Variants in C12orf50 observed in about 807,000 individuals in gnomAD.
C12orf50 encodes the protein zinc finger CCCH-type containing 11D.
C12orf50 carries 35 observed loss-of-function variants against 61.6 expected under a neutral mutation model. The observed-to-expected ratio is 0.57, with a 90% CI of 0.43 to 0.75. C12orf50 has a LOEUF of 0.75. Among genes scored for constraint, C12orf50 ranks in the 30% least tolerant of loss-of-function variants. The pLI is 0.00. For missense variants in C12orf50, 475 were observed against 488.5 expected (o/e 0.97, Z 0.26); for synonymous variants, 178 against 161.5 (o/e 1.10, Z -0.77).
intron 7 of C12orf50, among the ~76,000 whole-genome samples, chr12:87,992,756 T>C (rs970561302): frequency 2.0e-5 from 3 of 152,158 alleles, no homozygotes; most frequent in African/African-American, 7.2e-5. Flanking sequence ...ATGGTTATAT[T>C]GATACATACA....
At chr12:87,988,363 C>A (rs1203116333) in intron 8 of C12orf50, among the ~76,000 whole-genome samples, 1 of 152,166 alleles carries the variant, frequency 6.6e-6, no homozygotes, top group African/African-American at 2.4e-5. Context: ...CTTAGTAGGG[C>A]TTTCCACAAT....
At chr12:88,026,674 C>G in intron 2 of C12orf50, 66 bp from the exon 3 acceptor site, 1 of 1,570,122 alleles carries the variant, frequency 6.4e-7, no homozygotes, top group Non-Finnish European at 8.7e-7. Flanking sequence ...ATACAATGTG[C>G]TACAATACAG....
At chr12:87,994,229 G>A (rs1292116501) in intron 7 of C12orf50, among the ~76,000 whole-genome samples, 2 of 150,830 alleles carry the variant, frequency 1.3e-5, no homozygotes, top group Admixed American at 6.6e-5. Flanking sequence ...AAATAAATAA[G>A]TAGATAAATA....
intron 3 of C12orf50, among the ~76,000 whole-genome samples, chr12:88,023,259 A>C (rs1368755417): frequency 6.6e-6 from 1 of 151,884 alleles, no homozygotes; most frequent in Admixed American, 6.6e-5. Flanking sequence ...AAACAGGGAG[A>C]GGACTCCCCT....
At chr12:88,012,613 C>G (rs2032153874) in intron 3 of C12orf50, among the ~76,000 whole-genome samples, 1 of 152,170 alleles carries the variant, frequency 6.6e-6, no homozygotes, top group Admixed American at 6.5e-5. Flanking sequence ...CAAATCTATA[C>G]AACACTTGTG....
chr12:87,996,713 G>C, intron 4 of C12orf50, 67 bp from the exon 5 acceptor site: 1 of 1,250,166 alleles, frequency 8.0e-7, no homozygotes, highest in Non-Finnish European at 1.1e-6. Context: ...TTATAAACCA[G>C]AAAGGAAAAC....
chr12:87,986,364 T>C lies in C12orf50; in HGVS notation c.870A>G (p.Arg290=). 1 of 1,612,036 alleles carries C rather than the reference T, an allele frequency of 6.2e-7. No homozygotes were observed. The highest frequency in any genetic ancestry group is 8.5e-7 in the Non-Finnish European group (1 of 1,179,220). The part of the protein sequence containing the change: ...KKPHFKGVKK[R]KWIYDEPQNF... ...TCTGTGGTTCATCATAAATCCATTTTCTTTTCTTCACACCTTTAAAATGAG... is the reference window on the plus strand; with the variant it reads ...TCTGTGGTTCATCATAAATCCATTTCCTTTTCTTCACACCTTTAAAATGAG... Residue 290 remains arginine, a synonymous_variant, in exon 10 of 13, where the codon AGA becomes AGG. Coordinates refer to ENST00000298699, the MANE Select transcript of C12orf50 (RefSeq NM_152589.3).
rs765478954 is a variant in C12orf50, at chr12:87,994,672, C to T, written c.553G>A (p.Gly185Arg). 6.2e-7 allele frequency: 1 copy of T among 1,613,146 alleles called. No homozygotes were observed. The highest frequency in any genetic ancestry group is 1.3e-5 in the African/African-American group (1 of 74,872). Residue 185 changes from glycine to arginine, a missense_variant, in exon 7 of 13, where the codon GGG becomes AGG. Gly to Arg is a moderately radical substitution (Grantham distance 125, BLOSUM62 -2). Coordinates refer to ENST00000298699, the MANE Select transcript of C12orf50 (RefSeq NM_152589.3). Reference sequence around the variant, plus strand: ...GCAGCAATGTCAGTCTTTGGTTTCCCATGCAATGATGTTTTTATTTCACCT... The same window carrying T: ...GCAGCAATGTCAGTCTTTGGTTTCCTATGCAATGATGTTTTTATTTCACCT... ...RQGEIKTSLH[G>R]KPKTDIAAFE... is the part of the protein sequence containing the mutation.
chr12:87,983,264 T>A, intron 11 of C12orf50, 69 bp from the exon 12 acceptor site: 2 of 997,112 alleles, frequency 2.0e-6, no homozygotes, highest in Non-Finnish European at 3.0e-6. Context: ...TGTTTCAAAG[T>A]TATAAACATC....
chr12:87,991,502 G>A (rs917489945), intron 7 of C12orf50, among the ~76,000 whole-genome samples: 1 of 152,096 alleles, frequency 6.6e-6, no homozygotes, highest in African/African-American at 2.4e-5. Flanking sequence ...GAGAATTAGT[G>A]AACAGGACAG....
intron 7 of C12orf50, among the ~76,000 whole-genome samples, chr12:87,992,402 G>A (rs1424147074): frequency 6.6e-6 from 1 of 151,922 alleles, no homozygotes; most frequent in Non-Finnish European, 1.5e-5. Flanking sequence ...TATCAACTGT[G>A]TGTATATATA....
intron 3 of C12orf50, among the ~76,000 whole-genome samples, chr12:88,014,501 G>A (rs947091921): frequency 6.6e-6 from 1 of 151,982 alleles, no homozygotes; most frequent in African/African-American, 2.4e-5. Context: ...GGGTTTCACC[G>A]TATGAGCCAG....
At position 88,025,242 on chromosome 12, in the gene C12orf50, G is replaced by A. The variant is rs575457428; in HGVS notation, c.133+1246C>T. ...AGAAGGCAATGTCTAGTTACCAAGTGGAAGGATAGGCTTAGATAGGAGTAT... is the reference window on the plus strand; with the variant it reads ...AGAAGGCAATGTCTAGTTACCAAGTAGAAGGATAGGCTTAGATAGGAGTAT... On this transcript the variant is annotated intron_variant, in intron 3 of 12. Transcript: ENST00000298699. Among the ~76,000 whole-genome samples the A allele has an allele frequency of 6.6e-5, 10 of 152,306 alleles. No individual in the cohort carries two copies. In the East Asian group the frequency reaches 1.9e-3, roughly 29 times the overall value.
chr12:88,009,863 G>A (rs1466902664), intron 3 of C12orf50, among the ~76,000 whole-genome samples: 2 of 152,024 alleles, frequency 1.3e-5, no homozygotes, highest in Non-Finnish European at 2.9e-5. Context: ...TTTAATTTCA[G>A]TGCAGCCAAA....
chr12:88,027,297 C>A (rs1045748617), intron 1 of C12orf50, among the ~76,000 whole-genome samples: 13 of 152,154 alleles, frequency 8.5e-5, no homozygotes, highest in Admixed American at 6.5e-4. Flanking sequence ...TGCCACAAAT[C>A]ACTGATAAAA....
At chr12:87,989,496 C>G in intron 7 of C12orf50, 125 bp from the exon 8 acceptor site, 1 of 605,582 alleles carries the variant, frequency 1.7e-6, no homozygotes, top group East Asian at 2.8e-5. Flanking sequence ...CTCAGTGATA[C>G]CATATCCATC....
chr12:87,989,186 G>C (rs1592649275), intron 8 of C12orf50, 78 bp downstream of exon 8: 2 of 1,020,790 alleles, frequency 2.0e-6, no homozygotes, highest in East Asian at 5.3e-5. Flanking sequence ...TCCTCTATTG[G>C]TTTTTATAAC....
chr12:87,989,148 T>G (rs2136412579), intron 8 of C12orf50, 116 bp downstream of exon 8: 4 of 694,224 alleles, frequency 5.8e-6, no homozygotes, highest in African/African-American at 3.6e-5. Flanking sequence ...TTGACTCCTA[T>G]TCAGTGTATA....
At chr12:88,016,830 G>A (rs1416963138) in intron 3 of C12orf50, among the ~76,000 whole-genome samples, 2 of 152,140 alleles carry the variant, frequency 1.3e-5, no homozygotes, top group African/African-American at 4.8e-5. Flanking sequence ...AAATTATATT[G>A]TATCTGAGAA....
Sources: gnomAD v4.1 joint callset for allele counts (sites outside exome capture counted in the v4.1 genomes callset) on GRCh38, gnomAD v4.1.1 for gene constraint, MANE v1.5 for transcripts, NCBI Gene and HGNC (gene_info 2026-07-23, HGNC 2026-07-21) for gene names.